The following TRIQK variants were observed in gnomAD, a reference collection of about 807,000 sequenced individuals.
TRIQK encodes the protein triple QxxK/R motif-containing protein.
Under a neutral mutation model 10.8 loss-of-function variants are expected in TRIQK, and 10 were observed. That is an observed-to-expected ratio of 0.92 (90% CI 0.57 to 1.57). The LOEUF is 1.57. Ranked by LOEUF, TRIQK falls within the 40% of genes most tolerant of loss-of-function variation. TRIQK has a pLI of 0.00. For synonymous variants in TRIQK, 33 were observed against 33.7 expected, an observed-to-expected ratio of 0.98 and a Z score of 0.07; for missense variants, 107 against 97.7, an observed-to-expected ratio of 1.09 and a Z score of -0.40.
intron 2 of TRIQK, among the ~76,000 whole-genome samples, chr8:92,945,010 A>G (rs1426171676): frequency 2.0e-5 from 3 of 152,176 alleles, no homozygotes; most frequent in African/African-American, 7.2e-5. Context: ...CAAAGTTAAT[A>G]AAAAAATTAA....
chr8:92,905,138 C>T lies in TRIQK; in HGVS notation c.61+11791G>A, dbSNP rs573930091. Among the ~76,000 whole-genome samples, 3 of 151,842 alleles carry T rather than the reference C, an allele frequency of 2.0e-5. No individual in the cohort carries two copies. In the South Asian group the frequency reaches 6.2e-4, roughly 32 times the overall value. The stretch of plus-strand genomic sequence containing the variant: ...TAAAAATATTCATAGAAGCATCGTT[C>T]GTAATAGCATTCATAGAAAAAAAAA... On this transcript the variant is annotated intron_variant, in intron 3 of 4. Coordinates refer to ENST00000521988, the MANE Select transcript of TRIQK (RefSeq NM_001171797.2).
At chr8:92,927,104 G>T (rs1810483081) in intron 2 of TRIQK, among the ~76,000 whole-genome samples, 1 of 151,548 alleles carries the variant, frequency 6.6e-6, no homozygotes, top group African/African-American at 2.4e-5. Context: ...AACACCAAGA[G>T]ACCAAAAAAA....
intron 2 of TRIQK, among the ~76,000 whole-genome samples, chr8:92,921,087 T>A (rs1259414066): frequency 6.6e-6 from 1 of 151,684 alleles, no homozygotes; most frequent in East Asian, 1.9e-4. Context: ...CATTCTTCCC[T>A]TTATAAATGG....
At chr8:93,010,800 G>A (rs979575019) in intron 1 of TRIQK, among the ~76,000 whole-genome samples, 1 of 151,972 alleles carries the variant, frequency 6.6e-6, no homozygotes, top group African/African-American at 2.4e-5. Flanking sequence ...ACACAAATTG[G>A]AACATAAAGA....
intron 1 of TRIQK, among the ~76,000 whole-genome samples, chr8:93,006,147 G>T (rs1052054096): frequency 6.6e-6 from 1 of 152,082 alleles, no homozygotes; most frequent in African/African-American, 2.4e-5. Context: ...AAACATTGAC[G>T]AGGACCACCT....
At chr8:92,972,276 G>C (rs1430615575) in intron 1 of TRIQK, among the ~76,000 whole-genome samples, 2 of 151,352 alleles carry the variant, frequency 1.3e-5, no homozygotes, top group Non-Finnish European at 3.0e-5. Context: ...TAATATGAAG[G>C]GTATAAGTCT....
intron 1 of TRIQK, among the ~76,000 whole-genome samples, chr8:92,988,774 G>C (rs1240371352): frequency 3.3e-5 from 5 of 152,030 alleles, no homozygotes; most frequent in Non-Finnish European, 7.4e-5. Context: ...AAATTTTGTT[G>C]AACATAAGTT....
chr8:92,893,067 A>G (rs1029116914), intron 3 of TRIQK, among the ~76,000 whole-genome samples: 1 of 151,912 alleles, frequency 6.6e-6, no homozygotes, highest in Admixed American at 6.6e-5. Context: ...TTCCTTTACA[A>G]AACTCATCGC....
intron 1 of TRIQK, among the ~76,000 whole-genome samples, chr8:92,994,453 T>C (rs1318961057): frequency 1.3e-5 from 2 of 152,122 alleles, no homozygotes; most frequent in Non-Finnish European, 2.9e-5. Flanking sequence ...TAATTTTTTT[T>C]CCTCCAAGGC....
intron 2 of TRIQK, among the ~76,000 whole-genome samples, chr8:92,947,308 C>T (rs541082715): frequency 6.0e-5 from 9 of 151,260 alleles, no homozygotes; most frequent in South Asian, 4.2e-4. Flanking sequence ...CGTGGCCGGG[C>T]GCGGTGGCTC....
At chr8:92,959,617 C>A (rs1045327027) in intron 1 of TRIQK, among the ~76,000 whole-genome samples, 3 of 151,750 alleles carry the variant, frequency 2.0e-5, no homozygotes, top group Non-Finnish European at 4.4e-5. Flanking sequence ...GTTTAGATTC[C>A]TTTATACACA....
intron 3 of TRIQK, among the ~76,000 whole-genome samples, chr8:92,892,982 C>A (rs895193087): frequency 6.6e-6 from 1 of 151,834 alleles, no homozygotes; most frequent in Admixed American, 6.6e-5. Flanking sequence ...AATACATGAT[C>A]GTATAATCTC....
intron 1 of TRIQK, among the ~76,000 whole-genome samples, chr8:92,971,866 C>A (rs1812880095): frequency 6.6e-6 from 1 of 152,116 alleles, no homozygotes; most frequent in Admixed American, 6.6e-5. Context: ...AAGAACAGAG[C>A]TAGAGGCATC....
At chr8:93,002,187 C>G (rs1395874593) in intron 1 of TRIQK, among the ~76,000 whole-genome samples, 1 of 151,962 alleles carries the variant, frequency 6.6e-6, no homozygotes, top group African/African-American at 2.4e-5. Context: ...CTTAAATAAA[C>G]AGCCAAACAT....
At chr8:92,975,652 T>C (rs1326345743) in intron 1 of TRIQK, among the ~76,000 whole-genome samples, 1 of 152,092 alleles carries the variant, frequency 6.6e-6, no homozygotes, top group African/African-American at 2.4e-5. Context: ...TTCTATTGCT[T>C]TTCAGATTCT....
At chr8:92,919,031 C>A (rs1810027234) in intron 2 of TRIQK, among the ~76,000 whole-genome samples, 3 of 151,638 alleles carry the variant, frequency 2.0e-5, no homozygotes, top group African/African-American at 7.3e-5. Context: ...TGAGTAGACT[C>A]TAAGTGTGTG....
At chr8:92,988,386 T>G (rs1440527626) in intron 1 of TRIQK, among the ~76,000 whole-genome samples, 1 of 152,160 alleles carries the variant, frequency 6.6e-6, no homozygotes, top group African/African-American at 2.4e-5. Context: ...GATGGATAAA[T>G]TAAATGAAAA....
intron 1 of TRIQK, among the ~76,000 whole-genome samples, chr8:92,998,641 A>G (rs979468274): frequency 1.3e-5 from 2 of 152,108 alleles, no homozygotes; most frequent in Admixed American, 1.3e-4. Flanking sequence ...ATTTTAGAAA[A>G]TGAATTTTAT....
chr8:92,988,522 C>G (rs1429507075), intron 1 of TRIQK, among the ~76,000 whole-genome samples: 1 of 152,124 alleles, frequency 6.6e-6, no homozygotes, highest in East Asian at 1.9e-4. Flanking sequence ...TGCTAGAAAT[C>G]ATAAACTCGA....
Sources: allele counts gnomAD v4.1 joint callset (sites outside exome capture counted in the v4.1 genomes callset), GRCh38; gene constraint gnomAD v4.1.1; transcripts MANE v1.5; gene names NCBI Gene and HGNC (gene_info 2026-07-23, HGNC 2026-07-21).